RIPK4: variants seen among roughly 807,000 people sequenced by gnomAD.
RIPK4 encodes receptor interacting serine/threonine kinase 4.
Under a neutral mutation model 42.9 loss-of-function variants are expected in RIPK4, and 17 were observed. The observed-to-expected ratio is 0.40, with a 90% CI of 0.27 to 0.59. The LOEUF is 0.59. Among genes scored for constraint, RIPK4 ranks in the 20% least tolerant of loss-of-function variants. RIPK4 has a pLI of 0.47. For synonymous variants in RIPK4, 498 were observed against 499.1 expected (o/e 1.00, Z 0.03); for missense variants, 897 against 1,104.4 (o/e 0.81, Z 2.66).
chr21:41,745,745 G>A lies in RIPK4; in HGVS notation c.936+14C>T. Reference sequence around the variant, plus strand: ...CCGAGGAGACAAAAGACCCCTGTGGGAAGGACTCGTTACCTCGCTCCTGGG... The same window carrying A: ...CCGAGGAGACAAAAGACCCCTGTGGAAAGGACTCGTTACCTCGCTCCTGGG... On this transcript the variant is annotated intron_variant, in intron 6 of 7. Coordinates refer to ENST00000332512, the MANE Select transcript of RIPK4 (RefSeq NM_020639.3). 1 of 1,604,392 alleles carries A rather than the reference G, an allele frequency of 6.2e-7. No homozygotes were observed. The highest frequency in any genetic ancestry group is 1.1e-5 in the South Asian group (1 of 90,838).
At chr21:41,765,768 A>G (rs1442679822) in intron 1 of RIPK4, among the ~76,000 whole-genome samples, 4 of 152,270 alleles carry the variant, frequency 2.6e-5, no homozygotes, top group African/African-American at 9.6e-5. Flanking sequence ...GTAAAATACA[A>G]GCATAGCTTC....
intron 1 of RIPK4, among the ~76,000 whole-genome samples, chr21:41,765,412 G>A (rs2061233090): frequency 6.6e-6 from 1 of 152,246 alleles, no homozygotes; most frequent in African/African-American, 2.4e-5. Context: ...GTGATTTGAT[G>A]ACACTCGTCA....
At chr21:41,754,506 C>G (rs2061197277) in intron 2 of RIPK4, among the ~76,000 whole-genome samples, 1 of 152,188 alleles carries the variant, frequency 6.6e-6, no homozygotes, top group Non-Finnish European at 1.5e-5. Flanking sequence ...AGCGTGCCTT[C>G]GACAGCAGCC....
intron 1 of RIPK4, among the ~76,000 whole-genome samples, chr21:41,763,977 A>G (rs1223014272): frequency 6.6e-6 from 1 of 152,070 alleles, no homozygotes; most frequent in Non-Finnish European, 1.5e-5. Flanking sequence ...GACCCCCACA[A>G]TGAGGGTCAG....
At chr21:41,766,135 A>C (rs2061235377) in intron 1 of RIPK4, among the ~76,000 whole-genome samples, 1 of 152,204 alleles carries the variant, frequency 6.6e-6, no homozygotes, top group Non-Finnish European at 1.5e-5. Context: ...TCGGTCTCGA[A>C]ATTAAGTCAG....
chr21:41,743,874 C>T lies in RIPK4; in HGVS notation c.1195+8G>A, dbSNP rs750525932. 6.3e-7 allele frequency: 1 copy of T among 1,586,118 alleles called. No homozygotes were observed. Among genetic ancestry groups the T allele is most frequent in the East Asian group, 2.2e-5 (1 of 44,480 alleles). ...CATCTCTCGGGACACAGAGGCGTCCCCACTCACCGCTGGTTGAAGGTTCCC... is the reference window on the plus strand; with the variant it reads ...CATCTCTCGGGACACAGAGGCGTCCTCACTCACCGCTGGTTGAAGGTTCCC... On this transcript the variant is annotated splice_region_variant and intron_variant, in intron 7 of 7. Transcript: ENST00000332512.
Position 41,766,691 on chromosome 21 carries a change from C to A in RIPK4, c.182+169G>T, listed in dbSNP as rs114824086. ...CCGCGCCCCTCCGGCCCGGACAGGC[C>A]GAGTGGACATTGTCGGAGCCCCGCG... On this transcript the variant is annotated intron_variant, in intron 1 of 7. Coordinates refer to ENST00000332512, the MANE Select transcript of RIPK4 (RefSeq NM_020639.3). 0.015 allele frequency among the ~76,000 whole-genome samples: 2,261 copies of A among 152,168 alleles called. 49 individuals carry two copies. Among genetic ancestry groups the A allele is most frequent in the African/African-American group, 0.05 (2,096 of 41,530 alleles).
chr21:41,744,693 G>A (rs1269526214), intron 6 of RIPK4, among the ~76,000 whole-genome samples: 2 of 152,198 alleles, frequency 1.3e-5, no homozygotes, highest in Non-Finnish European at 2.9e-5. Context: ...AGCGTTGGCA[G>A]GAAACGAGAG....
At chr21:41,760,648 T>C (rs2061217781) in intron 1 of RIPK4, among the ~76,000 whole-genome samples, 1 of 152,110 alleles carries the variant, frequency 6.6e-6, no homozygotes, top group Admixed American at 6.5e-5. Flanking sequence ...GATGGGTCCA[T>C]TGACTGCATG....
rs1014919407 is a variant in RIPK4 at position 41,739,545 on chromosome 21, C to T, written c.*1293G>A. 6.6e-6 allele frequency: 1 copy of T among 152,234 alleles called. No homozygotes were observed. Among genetic ancestry groups the T allele is most frequent in the African/African-American group, 2.4e-5 (1 of 41,450 alleles). The allele number at this position is 152,234 out of a possible 1,614,324, so 9.4% of individuals were successfully genotyped here. A position where few individuals can be genotyped will look rare whatever the true frequency, so the allele number is the denominator to read the frequency against. ...TATCCTGCCCACAGATTCACATTAACATACATGGTACATTAATATCAATCT... is the reference window on the plus strand; with the variant it reads ...TATCCTGCCCACAGATTCACATTAATATACATGGTACATTAATATCAATCT... On this transcript the variant is annotated 3_prime_UTR_variant, in exon 8 of 8. Transcript: ENST00000332512.
intron 1 of RIPK4, among the ~76,000 whole-genome samples, chr21:41,758,021 A>AAAAAATAT (rs1555910478): frequency 4.5e-4 from 23 of 51,342 alleles, no homozygotes; most frequent in African/African-American, 2.5e-3. Context: ...AAAAAAAAAA[A>AAAAAATAT]ATATATATAT....
chr21:41,742,144 C>A lies in RIPK4; in HGVS notation c.1196-147G>T. 1 of 745,580 alleles carries A rather than the reference C, an allele frequency of 1.3e-6. No individual in the cohort carries two copies. Among genetic ancestry groups the A allele is most frequent in the Non-Finnish European group, 2.2e-6 (1 of 454,404 alleles). 46.2% of individuals were successfully genotyped at this position (745,580 alleles called of 1,614,324 possible). The stretch of plus-strand genomic sequence containing the variant: ...TCACCCGACTGTGTTTGAGCGTTGT[C>A]TGTGCCTCGTGATTAAGGTCAGTCC... On this transcript the variant is annotated intron_variant, in intron 7 of 7. Coordinates refer to ENST00000332512, the MANE Select transcript of RIPK4 (RefSeq NM_020639.3). This position sits in a 1 kb window ranked among gnomAD's most constrained non-coding sequence, Gnocchi z 5.1.
chr21:41,763,670 A>T (rs1452058577), intron 1 of RIPK4, among the ~76,000 whole-genome samples: 1 of 152,180 alleles, frequency 6.6e-6, no homozygotes, highest in Non-Finnish European at 1.5e-5. Context: ...CAATCCAATT[A>T]TGTTCCCAGG....
intron 7 of RIPK4, among the ~76,000 whole-genome samples, chr21:41,743,361 G>C (rs901456933): frequency 6.6e-6 from 1 of 152,240 alleles, no homozygotes; most frequent in African/African-American, 2.4e-5. Context: ...AGCTAAAAGA[G>C]AAGTGCTCCT....
At chr21:41,750,838 G>GGGC (rs2061186302) in intron 3 of RIPK4, among the ~76,000 whole-genome samples, 1 of 152,076 alleles carries the variant, frequency 6.6e-6, no homozygotes, top group Admixed American at 6.5e-5. Flanking sequence ...CCACCAAGCT[G>GGGC]GGCTAATTTT....
chr21:41,763,553 A>C (rs559533506), intron 1 of RIPK4, among the ~76,000 whole-genome samples: 1 of 152,352 alleles, frequency 6.6e-6, no homozygotes, highest in Non-Finnish European at 1.5e-5. Flanking sequence ...CTCAGGTAAC[A>C]AAGAGCTCCG....
intron 3 of RIPK4, among the ~76,000 whole-genome samples, chr21:41,750,407 A>T (rs2061185109): frequency 6.6e-6 from 1 of 152,230 alleles, no homozygotes; most frequent in East Asian, 1.9e-4. Context: ...AGTGCCATGA[A>T]GAAGATGAGC....
At position 41,762,610 on chromosome 21, in the gene RIPK4, G is replaced by A. The variant is rs146858003; in HGVS notation, c.182+4250C>T. Among the ~76,000 whole-genome samples, 780 of 152,298 alleles carry A rather than the reference G, an allele frequency of 5.1e-3. 16 individuals carry two copies. The highest frequency in any genetic ancestry group is 0.016 in the African/African-American group (671 of 41,570). On this transcript the variant is annotated intron_variant, in intron 1 of 7. Transcript: ENST00000332512. The stretch of plus-strand genomic sequence containing the variant: ...CTGCAAGAAGAGGCTTTTCTGATCA[G>A]GGAGGTTAAGAAGTGCTCAGGTACT...
rs537107292 is a variant in RIPK4, at chr21:41,744,163, G to C, written c.937-23C>G. The C allele has an allele frequency of 8.7e-4, 1,357 of 1,557,438 alleles. 3 individuals carry two copies. The highest frequency in any genetic ancestry group is 9.1e-4 in the Non-Finnish European group (1,047 of 1,151,116). ...CACCTGCGAAGATGCAGAAGAGGGGGTGGGTGAAGACCCTGCCATAGACCG... is the reference window on the plus strand; with the variant it reads ...CACCTGCGAAGATGCAGAAGAGGGGCTGGGTGAAGACCCTGCCATAGACCG... On this transcript the variant is annotated intron_variant, in intron 6 of 7. Transcript: ENST00000332512.
Sources: allele counts gnomAD v4.1 joint callset (sites outside exome capture counted in the v4.1 genomes callset), GRCh38; gene constraint gnomAD v4.1.1; non-coding constraint Gnocchi (gnomAD v3.1); transcripts MANE v1.5; gene names NCBI Gene and HGNC (gene_info 2026-07-23, HGNC 2026-07-21).